The following STPG1 variants were observed in gnomAD, a reference collection of about 807,000 sequenced individuals.
STPG1 encodes the protein sperm tail PG-rich repeat containing 1, also known as O(6)-methylguanine-induced apoptosis 2.
STPG1 carries 33 observed loss-of-function variants against 40.1 expected under a neutral mutation model. The observed-to-expected ratio is 0.82, with a 90% CI of 0.62 to 1.10. STPG1 has a LOEUF of 1.10. Among genes scored for constraint, STPG1 ranks in the 50% least tolerant of loss-of-function variants. The pLI is 0.00. For synonymous variants in STPG1, 150 were observed against 155.0 expected, an observed-to-expected ratio of 0.97 and a Z score of 0.24; for missense variants, 396 against 415.1, an observed-to-expected ratio of 0.95 and a Z score of 0.40.
chr1:24,377,565 G>T (rs1375828049), intron 5 of STPG1, among the ~76,000 whole-genome samples: 1 of 152,142 alleles, frequency 6.6e-6, no homozygotes, highest in Non-Finnish European at 1.5e-5. Flanking sequence ...CACCAAGTCA[G>T]AGAAGGCTGA....
rs147571761 is a variant in STPG1 at position 24,401,108 on chromosome 1, A to G, written c.70+211T>C. 56 of 452,458 alleles carry G rather than the reference A, an allele frequency of 1.2e-4. No homozygotes were observed. The East Asian group carries it at 1.8e-3, about 14-fold the overall frequency. 28.0% of individuals were successfully genotyped at this position (452,458 alleles called of 1,614,324 possible). On this transcript the variant is annotated intron_variant, in intron 2 of 8. Coordinates refer to ENST00000337248, the MANE Select transcript of STPG1 (RefSeq NM_001199013.2). The stretch of plus-strand genomic sequence containing the variant: ...GTTTATTAGTTTTTTATTTTTTAAC[A>G]GACTTCCTCCTTCTTCTCTCATCCT...
At chr1:24,377,456 G>A (rs541015128) in intron 5 of STPG1, among the ~76,000 whole-genome samples, 1 of 152,066 alleles carries the variant, frequency 6.6e-6, no homozygotes, top group East Asian at 1.9e-4. Context: ...GGTCCTCGTG[G>A]GCTGGGCTCC....
intron 5 of STPG1, chr1:24,379,349 T>C (rs1334741780): frequency 1.3e-5 from 4 of 296,666 alleles, no homozygotes; most frequent in Non-Finnish European, 2.5e-5. Context: ...ACACCCATTG[T>C]TACAGATGAG....
chr1:24,382,695 G>A (rs189296188), intron 4 of STPG1, among the ~76,000 whole-genome samples: 20 of 151,884 alleles, frequency 1.3e-4, no homozygotes, highest in Non-Finnish European at 2.6e-4. Context: ...TCCAAAGCTG[G>A]TCTGTTCCTT....
intron 7 of STPG1, among the ~76,000 whole-genome samples, chr1:24,364,964 C>A (rs1429901328): frequency 1.3e-5 from 2 of 152,194 alleles, no homozygotes; most frequent in Non-Finnish European, 2.9e-5. Flanking sequence ...CTGAGACCCT[C>A]CAGACACTCC....
intron 4 of STPG1, 44 bp from the exon 5 acceptor site, chr1:24,379,867 TG>T: frequency 6.3e-7 from 1 of 1,590,834 alleles, no homozygotes. Flanking sequence ...CACATAATAT[TG>T]TGGATCTGAA....
intron 5 of STPG1, 75 bp downstream of exon 5, chr1:24,379,578 A>C: frequency 6.6e-7 from 1 of 1,524,708 alleles, no homozygotes; most frequent in Non-Finnish European, 9.1e-7. Flanking sequence ...CGATGTCCCC[A>C]AGATCCCCTC....
intron 2 of STPG1, among the ~76,000 whole-genome samples, chr1:24,395,679 G>A (rs193292620): frequency 1.2e-4 from 18 of 152,038 alleles, no homozygotes; most frequent in Admixed American, 8.5e-4. Context: ...TGATCTGCCC[G>A]CCCCGGCTTC....
intron 7 of STPG1, among the ~76,000 whole-genome samples, chr1:24,366,961 G>A (rs1316244060): frequency 3.9e-5 from 6 of 152,204 alleles, no homozygotes; most frequent in African/African-American, 1.4e-4. Context: ...AGAGGGTTAC[G>A]ATGCAGTGCT....
chr1:24,392,023 C>A, intron 2 of STPG1: 2 of 1,050,160 alleles, frequency 1.9e-6, no homozygotes, highest in Non-Finnish European at 2.3e-6. Flanking sequence ...GCAGCCTGGA[C>A]GAGGCGCGGT....
intron 5 of STPG1, among the ~76,000 whole-genome samples, chr1:24,378,065 T>C (rs1467129911): frequency 2.0e-5 from 3 of 150,652 alleles, no homozygotes; most frequent in African/African-American, 7.5e-5. Context: ...GAGGGAAGAC[T>C]GCCTGGAGTT....
At chr1:24,394,732 G>GA (rs1642922680) in intron 2 of STPG1, among the ~76,000 whole-genome samples, 1 of 151,684 alleles carries the variant, frequency 6.6e-6, no homozygotes, top group South Asian at 2.1e-4. Flanking sequence ...GACATTAGAG[G>GA]AAAAAAAGAT....
intron 7 of STPG1, among the ~76,000 whole-genome samples, chr1:24,362,771 T>C (rs1317773056): frequency 6.6e-6 from 1 of 152,238 alleles, no homozygotes; most frequent in African/African-American, 2.4e-5. Flanking sequence ...AAAGCCATCA[T>C]AAATGTGCTT....
At chr1:24,378,583 A>G (rs1642137571) in intron 5 of STPG1, among the ~76,000 whole-genome samples, 2 of 152,174 alleles carry the variant, frequency 1.3e-5, no homozygotes, top group South Asian at 4.1e-4. Context: ...TGCAGATTGC[A>G]CCACTGCTCT....
chr1:24,369,193 G>T (rs567027418), intron 7 of STPG1: 3 of 366,008 alleles, frequency 8.2e-6, no homozygotes, highest in Admixed American at 4.0e-5. Context: ...AACTTCCATC[G>T]GTATAAAGCT....
chr1:24,360,266 G>A (rs1052287331), intron 8 of STPG1, among the ~76,000 whole-genome samples: 3 of 152,076 alleles, frequency 2.0e-5, no homozygotes, highest in Admixed American at 6.5e-5. Context: ...CCAACATAGC[G>A]AACCCCTGTC....
At chr1:24,401,196 G>A in intron 2 of STPG1, 123 bp downstream of exon 2, 1 of 718,670 alleles carries the variant, frequency 1.4e-6, no homozygotes. Context: ...CACCTATTTG[G>A]TATGCCTGTA....
intron 7 of STPG1, chr1:24,364,116 C>T: frequency 2.0e-6 from 3 of 1,464,020 alleles, no homozygotes; most frequent in Non-Finnish European, 2.7e-6. Context: ...CCTGCTGTTC[C>T]TTCTGTGAGA....
At chr1:24,409,611 GAAAT>G (rs1026674493) in intron 1 of STPG1, among the ~76,000 whole-genome samples, 3 of 152,196 alleles carry the variant, frequency 2.0e-5, no homozygotes, top group East Asian at 1.9e-4. Context: ...GAAAATTCCA[GAAAT>G]AAATAATTCA....
Sources: gnomAD v4.1 joint callset for allele counts (sites outside exome capture counted in the v4.1 genomes callset) on GRCh38, gnomAD v4.1.1 for gene constraint, MANE v1.5 for transcripts, NCBI Gene and HGNC (gene_info 2026-07-23, HGNC 2026-07-21) for gene names.